The following XPO6 variants were observed in gnomAD, a reference collection of about 807,000 sequenced individuals.
XPO6 encodes the protein exportin 6, also known as exportin-6.
In XPO6, 3 loss-of-function variants were observed where a neutral mutation model predicts 130.0. That is an observed-to-expected ratio of 0.02 (90% CI 0.01 to 0.06). The LOEUF is 0.06. Among genes scored for constraint, XPO6 ranks in the 10% least tolerant of loss-of-function variants. The pLI, the probability that XPO6 is intolerant of heterozygous loss-of-function variation, is 1.00. For synonymous variants in XPO6, 524 were observed against 548.9 expected (o/e 0.95, Z 0.63); for missense variants, 970 against 1,393.0 (o/e 0.70, Z 4.83).
Position 28,111,805 on chromosome 16 carries a change from G to A in XPO6, c.2341+12C>T. ...CTCCTTCCCCAGCTGTCCTAGCCTA[G>A]GGGTCACTTACTGTCATCCAGTGGC... On this transcript the variant is annotated intron_variant, in intron 17 of 23. Transcript: ENST00000304658. The A allele has an allele frequency of 1.2e-6, 2 of 1,613,464 alleles. No homozygotes were observed. Among genetic ancestry groups the A allele is most frequent in the Non-Finnish European group, 1.7e-6 (2 of 1,179,588 alleles).
At position 28,169,777 on chromosome 16, in the gene XPO6, C is replaced by A; in HGVS notation, c.538G>T (p.Val180Leu). The change falls in exon 5 of 24, where the codon GTG becomes TTG. Residue 180 changes from valine (V) to leucine (L), a missense_variant. Coordinates refer to ENST00000304658, the MANE Select transcript of XPO6 (RefSeq NM_015171.4). Reference protein sequence around the residue: ...EELRKLLLDQVQTVLGLLTGI... With the variant: ...EELRKLLLDQLQTVLGLLTGI... ...GTCAGTAGCCCAAGCACTGTCTGCA[C>A]CTGGTCCAGTAGCAGCTTCCGCAAC... 1 of 1,614,086 alleles carries A rather than the reference C, an allele frequency of 6.2e-7. No individual in the cohort carries two copies.
At chr16:28,196,939 T>G (rs1293876235) in intron 1 of XPO6, among the ~76,000 whole-genome samples, 1 of 152,130 alleles carries the variant, frequency 6.6e-6, no homozygotes, top group Admixed American at 6.6e-5. Context: ...AAATACACCT[T>G]TTCCCTTTAC....
chr16:28,136,021 T>C (rs1172095233), intron 9 of XPO6, among the ~76,000 whole-genome samples: 1 of 152,204 alleles, frequency 6.6e-6, no homozygotes, highest in African/African-American at 2.4e-5. Context: ...CATATAAATA[T>C]TACCTAATTC....
intron 8 of XPO6, among the ~76,000 whole-genome samples, chr16:28,151,894 A>G (rs985816569): frequency 5.3e-5 from 8 of 152,166 alleles, no homozygotes; most frequent in Admixed American, 3.3e-4. Flanking sequence ...GATAAAACAC[A>G]CACCAACAGG....
chr16:28,200,715 ATTTTC>A lies in XPO6; in HGVS notation c.3+10646_3+10650del, dbSNP rs1409611749. ...CTGATTTCTGTTTTTTTGGTTTTTT[ATTTTC>A]TTAGCCCAGATGAAGAGAACACTAG... On this transcript the variant is annotated intron_variant, in intron 1 of 23. Coordinates refer to ENST00000304658, the MANE Select transcript of XPO6 (RefSeq NM_015171.4). Among the ~76,000 whole-genome samples, 7 of 151,930 alleles carry A rather than the reference ATTTTC, an allele frequency of 4.6e-5. No individual in the cohort carries two copies. In the South Asian group the frequency reaches 1.5e-3, roughly 32 times the overall value.
At chr16:28,137,443 A>G (rs2042802102) in intron 9 of XPO6, among the ~76,000 whole-genome samples, 1 of 152,228 alleles carries the variant, frequency 6.6e-6, no homozygotes, top group East Asian at 1.9e-4. Flanking sequence ...ATTTCCTGAC[A>G]GGACTCTAAT....
At chr16:28,136,181 G>A (rs891605597) in intron 9 of XPO6, among the ~76,000 whole-genome samples, 6 of 152,026 alleles carry the variant, frequency 3.9e-5, no homozygotes. Flanking sequence ...TCATGTTCTC[G>A]CTACACATAA....
chr16:28,208,585 A>G (rs4787446), intron 1 of XPO6, among the ~76,000 whole-genome samples: 9,798 of 152,284 alleles, frequency 0.064, 529 homozygotes, highest in East Asian at 0.31. Context: ...CTAGGTGACA[A>G]AAACTTTGAC....
At chr16:28,110,230 G>A (rs187652758) in intron 17 of XPO6, among the ~76,000 whole-genome samples, 2 of 152,322 alleles carry the variant, frequency 1.3e-5, no homozygotes, top group East Asian at 1.9e-4. Context: ...TACTGAAGAC[G>A]TCATTCACAT....
intron 1 of XPO6, among the ~76,000 whole-genome samples, chr16:28,196,457 G>A (rs2043865128): frequency 6.6e-6 from 1 of 152,170 alleles, no homozygotes; most frequent in Admixed American, 6.5e-5. Flanking sequence ...GGTTTCCTCT[G>A]GAGTGATGAA....
At position 28,101,234 on chromosome 16, in the gene XPO6, G is replaced by A. The variant is rs2086648929; in HGVS notation, c.3276+224C>T. 1 of 614,988 alleles carries A rather than the reference G, an allele frequency of 1.6e-6. No homozygotes were observed. Among genetic ancestry groups the A allele is most frequent in the South Asian group, 1.8e-5 (1 of 54,980 alleles). The allele number at this position is 614,988 out of a possible 1,614,324, so 38.1% of individuals were successfully genotyped here. ...AGGAACTCGGGACCTCCATGGCTGA[G>A]ACTAAGAACATACGTGCTACAGACA... On this transcript the variant is annotated intron_variant, in intron 23 of 23. Transcript: ENST00000304658. This position sits in a 1 kb window ranked among gnomAD's most constrained non-coding sequence, Gnocchi z 5.4.
At chr16:28,189,772 C>T (rs1046318771) in intron 1 of XPO6, among the ~76,000 whole-genome samples, 5 of 152,196 alleles carry the variant, frequency 3.3e-5, no homozygotes, top group African/African-American at 1.2e-4. Flanking sequence ...TGCACAATAT[C>T]TTCACACAGA....
At chr16:28,135,379 G>C in intron 9 of XPO6, 55 bp from the exon 10 acceptor site, 1 of 1,426,914 alleles carries the variant, frequency 7.0e-7, no homozygotes, top group Non-Finnish European at 9.9e-7. Context: ...TTAGAATTTG[G>C]AAAATGCCTC....
intron 4 of XPO6, among the ~76,000 whole-genome samples, chr16:28,172,080 C>T (rs1432460699): frequency 6.6e-6 from 1 of 152,186 alleles, no homozygotes; most frequent in Non-Finnish European, 1.5e-5. Flanking sequence ...TATGGAAAAT[C>T]TATCTGCAAG....
rs1415734338 is a variant in XPO6 at position 28,116,389 on chromosome 16, G to T, written c.2004+929C>A. On this transcript the variant is annotated intron_variant, in intron 15 of 23. Transcript: ENST00000304658. ...AGGCAGGAGAATGGCGTGAACCCGGGAGACGGAGCTTGCAGTGAGCCAAGA... is the reference window on the plus strand; with the variant it reads ...AGGCAGGAGAATGGCGTGAACCCGGTAGACGGAGCTTGCAGTGAGCCAAGA... Among the ~76,000 whole-genome samples, 4 of 151,726 alleles carry T rather than the reference G, an allele frequency of 2.6e-5. No individual in the cohort carries two copies. The South Asian group carries it at 6.2e-4, about 24-fold the overall frequency.
chr16:28,119,961 C>T (rs956668411), intron 14 of XPO6, among the ~76,000 whole-genome samples: 1 of 152,120 alleles, frequency 6.6e-6, no homozygotes, highest in Non-Finnish European at 1.5e-5. Context: ...CCCAGCTCAG[C>T]CTCCCGAGTA....
chr16:28,206,437 C>G (rs930649963), intron 1 of XPO6, among the ~76,000 whole-genome samples: 1 of 152,098 alleles, frequency 6.6e-6, no homozygotes, highest in African/African-American at 2.4e-5. Context: ...GTCTCAGCTA[C>G]TGAGGAGGCT....
At chr16:28,176,664 ATTTTTT>A (rs34096451) in intron 3 of XPO6, among the ~76,000 whole-genome samples, 1 of 134,668 alleles carries the variant, frequency 7.4e-6, no homozygotes, top group Non-Finnish European at 1.6e-5. Context: ...CGCCCGGCTA[ATTTTTT>A]TTTTTTTTTT....
chr16:28,165,361 T>C (rs1348915654), intron 6 of XPO6: 1 of 152,228 alleles, frequency 6.6e-6, no homozygotes, highest in Non-Finnish European at 1.5e-5. Context: ...CCGCAACATA[T>C]AAATCTGCTG....
Sources: gnomAD v4.1 joint callset for allele counts (sites outside exome capture counted in the v4.1 genomes callset) on GRCh38, gnomAD v4.1.1 for gene constraint, Gnocchi (gnomAD v3.1) non-coding constraint, MANE v1.5 for transcripts, NCBI Gene and HGNC (gene_info 2026-07-23, HGNC 2026-07-21) for gene names.